CDH12: variants seen among roughly 807,000 people sequenced by gnomAD.
CDH12 encodes the protein cadherin 12, also known as cadherin-12.
A neutral mutation model predicts 74.1 loss-of-function variants in CDH12; 41 were observed. The observed-to-expected ratio is 0.55, with a 90% CI of 0.43 to 0.72. The LOEUF is 0.72. CDH12 is among the 30% of genes least tolerant of loss of function. The pLI, the probability that CDH12 is intolerant of heterozygous loss-of-function variation, is 0.00. For missense variants in CDH12, 945 were observed against 977.2 expected, an observed-to-expected ratio of 0.97 and a Z score of 0.44; for synonymous variants, 399 against 355.0, an observed-to-expected ratio of 1.12 and a Z score of -1.39.
In CDH12 at chr5:21,752,153, C is replaced by A; in HGVS notation, c.1969G>T (p.Val657Phe). ...MTSKEDIRDN[V>F]IHYDDEGGGE... is the part of the protein sequence containing the mutation. ...CCTCCTTCATCATCGTAATGGATGA[C>A]GTTGTCTCTGATGTCTTCTTTAGAG... The change falls in exon 15 of 15, where the codon GTC (valine) becomes TTC (phenylalanine). Residue 657 changes from valine to phenylalanine, a missense_variant. Around this residue, in one of 3 missense-constraint regions of CDH12, gnomAD observed 791 missense variants for 792.8 expected, o/e 1.00. Transcript: ENST00000382254. 3.7e-6 allele frequency: 6 copies of A among 1,614,014 alleles called. No homozygotes were observed. Among genetic ancestry groups the A allele is most frequent in the Non-Finnish European group, 5.1e-6 (6 of 1,179,922 alleles).
chr5:21,980,958 G>A (rs1264334361), intron 5 of CDH12, among the ~76,000 whole-genome samples: 1 of 151,998 alleles, frequency 6.6e-6, no homozygotes, highest in African/African-American at 2.4e-5. Flanking sequence ...AATATCATAG[G>A]GAATCGAAGA....
intron 5 of CDH12, among the ~76,000 whole-genome samples, chr5:21,982,222 T>C (rs1361729334): frequency 6.6e-6 from 1 of 152,120 alleles, no homozygotes; most frequent in African/African-American, 2.4e-5. Flanking sequence ...GACAGAGATC[T>C]CTTCCTGCCT....
chr5:22,321,395 C>A (rs1738874754), intron 3 of CDH12, among the ~76,000 whole-genome samples: 1 of 141,864 alleles, frequency 7.0e-6, no homozygotes, highest in African/African-American at 2.7e-5. Flanking sequence ...ATCGCAAGAA[C>A]AAAAAACCAA....
At position 22,469,385 on chromosome 5, in the gene CDH12, C is replaced by T. The variant is rs997050764; in HGVS notation, c.-428+35885G>A. On this transcript the variant is annotated intron_variant, in intron 2 of 14. Transcript: ENST00000382254. Reference sequence around the variant, plus strand: ...GAGGAATGTGAAGGAAAGATGTGTTCTGGGCCTCTCTCCTTCTCTTGTAGA... The same window carrying T: ...GAGGAATGTGAAGGAAAGATGTGTTTTGGGCCTCTCTCCTTCTCTTGTAGA... Among the ~76,000 whole-genome samples the T allele has an allele frequency of 2.6e-5, 4 of 152,248 alleles. 1 individual carries two copies. Among genetic ancestry groups the T allele is most frequent in the Non-Finnish European group, 4.4e-5 (3 of 68,008 alleles).
intron 1 of CDH12, among the ~76,000 whole-genome samples, chr5:22,524,978 C>T (rs993762426): frequency 6.8e-6 from 1 of 147,950 alleles, no homozygotes; most frequent in Non-Finnish European, 1.5e-5. Flanking sequence ...ACCCCACAAC[C>T]GTCCCAGTGT....
At chr5:21,788,424 A>T (rs1481618977) in intron 10 of CDH12, among the ~76,000 whole-genome samples, 1 of 152,010 alleles carries the variant, frequency 6.6e-6, no homozygotes, top group Non-Finnish European at 1.5e-5. Flanking sequence ...TACTATAGAA[A>T]ACTATCTGAG....
At chr5:22,609,718 A>C (rs1024849161) in intron 1 of CDH12, among the ~76,000 whole-genome samples, 1 of 152,230 alleles carries the variant, frequency 6.6e-6, no homozygotes, top group Non-Finnish European at 1.5e-5. Flanking sequence ...AAAAAAACGT[A>C]TAGCTAATTA....
intron 1 of CDH12, among the ~76,000 whole-genome samples, chr5:22,804,319 T>C (rs1314050082): frequency 6.6e-6 from 1 of 152,210 alleles, no homozygotes; most frequent in Non-Finnish European, 1.5e-5. Flanking sequence ...CCAAAGTTTT[T>C]ATCTTCCCTC....
intron 2 of CDH12, among the ~76,000 whole-genome samples, chr5:22,438,377 C>T (rs921904260): frequency 6.6e-6 from 1 of 151,842 alleles, no homozygotes; most frequent in Admixed American, 6.6e-5. Flanking sequence ...AGATCCTCAC[C>T]AAGGAAGTGT....
chr5:22,779,252 G>A (rs1054833448), intron 1 of CDH12, among the ~76,000 whole-genome samples: 2 of 152,052 alleles, frequency 1.3e-5, no homozygotes, highest in African/African-American at 4.8e-5. Flanking sequence ...AGAAATGGCT[G>A]CCTTCAAACT....
chr5:22,168,048 CA>C (rs1339614878), intron 4 of CDH12, among the ~76,000 whole-genome samples: 2 of 152,034 alleles, frequency 1.3e-5, no homozygotes, highest in Admixed American at 6.6e-5. Context: ...TCATGGCACC[CA>C]AGGTGAGAAG....
intron 1 of CDH12, among the ~76,000 whole-genome samples, chr5:22,670,582 C>T (rs1479425497): frequency 6.6e-6 from 1 of 152,014 alleles, no homozygotes; most frequent in Non-Finnish European, 1.5e-5. Flanking sequence ...ATATATACCA[C>T]AGGAGGTTAT....
At chr5:22,434,995 C>A (rs932860047) in intron 2 of CDH12, among the ~76,000 whole-genome samples, 2 of 152,096 alleles carry the variant, frequency 1.3e-5, no homozygotes, top group Admixed American at 1.3e-4. Flanking sequence ...GCTGAACTAA[C>A]TTAGTGGGGG....
intron 3 of CDH12, among the ~76,000 whole-genome samples, chr5:22,343,950 G>C (rs1740001339): frequency 6.6e-6 from 1 of 152,072 alleles, no homozygotes; most frequent in Non-Finnish European, 1.5e-5. Context: ...GTTTTATTTA[G>C]GATAACAAGC....
At chr5:22,851,169 G>A (rs1041814286) in intron 1 of CDH12, among the ~76,000 whole-genome samples, 5 of 152,010 alleles carry the variant, frequency 3.3e-5, no homozygotes, top group South Asian at 2.1e-4. Flanking sequence ...ATATCATTCC[G>A]TGTGTGGAAG....
At chr5:22,308,365 G>T (rs574453124) in intron 3 of CDH12, among the ~76,000 whole-genome samples, 3 of 152,034 alleles carry the variant, frequency 2.0e-5, no homozygotes, top group Non-Finnish European at 4.4e-5. Context: ...GTCATTATCC[G>T]ATTGCCATCT....
At chr5:22,636,783 A>G (rs1738864169) in intron 1 of CDH12, among the ~76,000 whole-genome samples, 1 of 152,218 alleles carries the variant, frequency 6.6e-6, no homozygotes, top group African/African-American at 2.4e-5. Flanking sequence ...AAACCATTAC[A>G]TTTTATACTT....
chr5:21,991,177 TC>T (rs1216869794), intron 5 of CDH12, among the ~76,000 whole-genome samples: 2 of 151,832 alleles, frequency 1.3e-5, no homozygotes, highest in Non-Finnish European at 2.9e-5. Flanking sequence ...TAGTAATCGC[TC>T]CCAGGGAGTC....
At position 21,883,073 on chromosome 5, in the gene CDH12, T is replaced by C. The variant is rs141842757; in HGVS notation, c.527-28283A>G. 1,351 of 1,609,884 alleles carry C rather than the reference T, an allele frequency of 8.4e-4. 12 individuals carry two copies. The African/African-American group carries it at 0.016, about 19-fold the overall frequency. On this transcript the variant is annotated intron_variant, in intron 6 of 14. Coordinates refer to ENST00000382254, the MANE Select transcript of CDH12 (RefSeq NM_004061.5). Reference sequence around the variant, plus strand: ...CTGAACTTAAAAAGCAGTCTAAACCTGTGACCACCCCTGAAGAAATTGCAC... The same window carrying C: ...CTGAACTTAAAAAGCAGTCTAAACCCGTGACCACCCCTGAAGAAATTGCAC...
Sources: gnomAD v4.1 joint callset for allele counts (sites outside exome capture counted in the v4.1 genomes callset) on GRCh38, gnomAD v4.1.1 for gene constraint, gnomAD v4.1.1 regional missense constraint, MANE v1.5 for transcripts, NCBI Gene and HGNC (gene_info 2026-07-23, HGNC 2026-07-21) for gene names.